EPHA4: variants seen among roughly 807,000 people sequenced by gnomAD.
EPHA4 encodes the protein ephrin type-A receptor 4.
A neutral mutation model predicts 108.3 loss-of-function variants in EPHA4; 19 were observed. That is an observed-to-expected ratio of 0.18 (90% confidence interval 0.12 to 0.26). The LOEUF is 0.26. Among genes scored for constraint, EPHA4 ranks in the 10% least tolerant of loss-of-function variants. EPHA4 has a pLI of 1.00. For missense variants in EPHA4, 917 were observed against 1,254.0 expected, an observed-to-expected ratio of 0.73 and a Z score of 4.06; for synonymous variants, 449 against 455.5, an observed-to-expected ratio of 0.99 and a Z score of 0.18.
chr2:221,501,054 G>A lies in EPHA4; in HGVS notation c.942C>T (p.Phe314=), dbSNP rs200748922. ...ATSCTCDRGF[F]RADNDAASMP... The stretch of plus-strand genomic sequence containing the variant: ...TAGAGGCAGCATCGTTGTCAGCTCT[G>A]AAAAAGCCTCGGTCACAGGTGCACG... The change falls in exon 4 of 18, where the codon TTC becomes TTT. Residue 314 remains phenylalanine (F), a synonymous_variant. Transcript: ENST00000281821. 6.2e-7 allele frequency: 1 copy of A among 1,612,890 alleles called. No individual in the cohort carries two copies. The highest frequency in any genetic ancestry group is 8.5e-7 in the Non-Finnish European group (1 of 1,179,468).
chr2:221,540,308 A>C (rs1302084380), intron 3 of EPHA4, among the ~76,000 whole-genome samples: 1 of 152,242 alleles, frequency 6.6e-6, no homozygotes, highest in East Asian at 1.9e-4. Context: ...TTCCACGTGC[A>C]AAACAAAACA....
chr2:221,434,456 A>G (rs545779694), intron 13 of EPHA4, among the ~76,000 whole-genome samples, 165 bp from the exon 14 acceptor site: 125 of 152,318 alleles, frequency 8.2e-4, no homozygotes, highest in Admixed American at 1.3e-3. Context: ...CCAGGTTAAC[A>G]CAGTTCTCTT....
chr2:221,501,321 C>A lies in EPHA4; in HGVS notation c.824-149G>T, dbSNP rs1381945940. On this transcript the variant is annotated intron_variant, in intron 3 of 17. Coordinates refer to ENST00000281821, the MANE Select transcript of EPHA4 (RefSeq NM_004438.5). The stretch of plus-strand genomic sequence containing the variant: ...TGGCTTGAAATGCAGGTCATGCAAC[C>A]AAAAGCATTCATTGAGTATAGTCGC... 6.6e-6 allele frequency: 4 copies of A among 606,446 alleles called. No individual in the cohort carries two copies. The South Asian group carries it at 1.2e-4, about 19-fold the overall frequency. The allele number at this position is 606,446 out of a possible 1,614,324, so 37.6% of individuals were successfully genotyped here.
At chr2:221,478,077 G>A (rs1344124011) in intron 5 of EPHA4, among the ~76,000 whole-genome samples, 3 of 151,960 alleles carry the variant, frequency 2.0e-5, no homozygotes, top group African/African-American at 7.2e-5. Flanking sequence ...CCATTCATGG[G>A]GGTTGGGACC....
chr2:221,547,392 G>A (rs1452313491), intron 3 of EPHA4, among the ~76,000 whole-genome samples: 1 of 152,198 alleles, frequency 6.6e-6, no homozygotes, highest in Non-Finnish European at 1.5e-5. Context: ...AAGATGAGAT[G>A]ATGTTCTGTC....
chr2:221,506,108 C>G (rs1692623423), intron 3 of EPHA4, among the ~76,000 whole-genome samples: 2 of 152,020 alleles, frequency 1.3e-5, no homozygotes, highest in South Asian at 4.1e-4. Flanking sequence ...ATAGGTCTCT[C>G]CAACCCTATC....
intron 3 of EPHA4, among the ~76,000 whole-genome samples, chr2:221,531,112 A>T (rs1299163980): frequency 2.6e-5 from 4 of 151,252 alleles, no homozygotes; most frequent in African/African-American, 9.7e-5. Context: ...TACTCAAGAA[A>T]GCAAGGACAA....
Position 221,468,473 on chromosome 2 carries a change from T to C in EPHA4, c.1319-10483A>G, listed in dbSNP as rs1013576987. 3.3e-5 allele frequency among the ~76,000 whole-genome samples: 5 copies of C among 152,272 alleles called. No individual in the cohort carries two copies. In the East Asian group the frequency reaches 9.7e-4, roughly 29 times the overall value. On this transcript the variant is annotated intron_variant, in intron 5 of 17. Transcript: ENST00000281821. Reference sequence around the variant, plus strand: ...AATCTGGAAAATAAAAAGCTAAGCTTGTAGGCTTCAGGTTCTCTTTGTTAC... The same window carrying C: ...AATCTGGAAAATAAAAAGCTAAGCTCGTAGGCTTCAGGTTCTCTTTGTTAC...
At chr2:221,474,847 G>T (rs1396386572) in intron 5 of EPHA4, among the ~76,000 whole-genome samples, 1 of 152,122 alleles carries the variant, frequency 6.6e-6, no homozygotes, top group African/African-American at 2.4e-5. Context: ...TCGGAGAGAA[G>T]ATAAGGCACA....
In EPHA4 at chr2:221,420,005, T is replaced by C. The variant is rs906426558; in HGVS notation, c.*1367A>G. On this transcript the variant is annotated 3_prime_UTR_variant, in exon 18 of 18. Transcript: ENST00000281821. The stretch of plus-strand genomic sequence containing the variant: ...TATGTACACACATCAAAAGAGATAG[T>C]CAGCTCATATTTAGTCTAAGAAAAA... 1 of 152,610 alleles carries C rather than the reference T, an allele frequency of 6.6e-6. No homozygotes were observed. Among genetic ancestry groups the C allele is most frequent in the Admixed American group, 6.5e-5 (1 of 15,274 alleles). 9.5% of individuals were successfully genotyped at this position (152,610 alleles called of 1,614,324 possible). A position where few individuals can be genotyped will look rare whatever the true frequency, so the allele number is the denominator to read the frequency against.
intron 14 of EPHA4, among the ~76,000 whole-genome samples, chr2:221,430,595 G>T (rs1362170975): frequency 1.3e-5 from 2 of 152,080 alleles, no homozygotes; most frequent in African/African-American, 2.4e-5. Flanking sequence ...TCTCCAAAAT[G>T]GAATTTTCTT....
intron 3 of EPHA4, among the ~76,000 whole-genome samples, chr2:221,520,571 GGA>G (rs140590656): frequency 4.7e-5 from 7 of 149,608 alleles, no homozygotes; most frequent in Non-Finnish European, 7.4e-5. Context: ...GCAAGAGGGG[GGA>G]GAGAGAGAGA....
At chr2:221,480,112 C>CTTCT (rs2106139154) in intron 5 of EPHA4, among the ~76,000 whole-genome samples, 1 of 111,482 alleles carries the variant, frequency 9.0e-6, no homozygotes, top group African/African-American at 3.5e-5. Flanking sequence ...TTTAGTGTGT[C>CTTCT]TTCTTTGTGC....
intron 17 of EPHA4, among the ~76,000 whole-genome samples, chr2:221,424,617 T>C (rs1689845713): frequency 1.3e-5 from 2 of 152,312 alleles, no homozygotes; most frequent in South Asian, 2.1e-4. Context: ...GCAGTGCATT[T>C]TTCAGTAGTT....
chr2:221,481,708 C>T (rs1691824943), intron 5 of EPHA4, among the ~76,000 whole-genome samples: 1 of 152,076 alleles, frequency 6.6e-6, no homozygotes, highest in Non-Finnish European at 1.5e-5. Flanking sequence ...TTAAAGTAAA[C>T]TTCGTTAACT....
intron 8 of EPHA4, among the ~76,000 whole-genome samples, chr2:221,455,157 T>A (rs932852174): frequency 6.6e-6 from 1 of 152,214 alleles, no homozygotes. Context: ...AAAAGGTTTA[T>A]GTAGTAGTAG....
intron 3 of EPHA4, among the ~76,000 whole-genome samples, chr2:221,541,079 T>C (rs140908291): frequency 1.1e-4 from 17 of 152,096 alleles, no homozygotes; most frequent in Admixed American, 2.6e-4. Flanking sequence ...CCTGAGTAGC[T>C]GGGACCACAG....
At chr2:221,522,501 A>G (rs1693193721) in intron 3 of EPHA4, among the ~76,000 whole-genome samples, 1 of 152,140 alleles carries the variant, frequency 6.6e-6, no homozygotes, top group African/African-American at 2.4e-5. Context: ...TTGACACGAC[A>G]CCACTCATTA....
At chr2:221,461,876 G>C (rs144030993) in intron 5 of EPHA4, among the ~76,000 whole-genome samples, 3 of 152,164 alleles carry the variant, frequency 2.0e-5, no homozygotes, top group African/African-American at 7.2e-5. Context: ...GTGATGGGGA[G>C]GAGTAAGTAG....
Sources: gnomAD v4.1 joint callset for allele counts (sites outside exome capture counted in the v4.1 genomes callset) on GRCh38, gnomAD v4.1.1 for gene constraint, MANE v1.5 for transcripts, NCBI Gene and HGNC (gene_info 2026-07-23, HGNC 2026-07-21) for gene names.